Variants in SLC26A7 observed in about 807,000 individuals in gnomAD.
SLC26A7 encodes the protein anion exchange transporter.
A neutral mutation model predicts 82.5 loss-of-function variants in SLC26A7; 59 were observed. The observed-to-expected ratio is 0.72, with a 90% CI of 0.58 to 0.89. The LOEUF (loss-of-function observed/expected upper bound fraction) is 0.89. Ranked by LOEUF, SLC26A7 falls within the 40% of genes least tolerant of loss-of-function variation. The pLI is 0.00. For missense variants in SLC26A7, 820 were observed against 793.0 expected, an observed-to-expected ratio of 1.03 and a Z score of -0.41; for synonymous variants, 271 against 274.3, an observed-to-expected ratio of 0.99 and a Z score of 0.12.
At chr8:91,325,588 T>A (rs1812910555) in intron 5 of SLC26A7, among the ~76,000 whole-genome samples, 1 of 152,092 alleles carries the variant, frequency 6.6e-6, no homozygotes. Context: ...GTTGAAGGCA[T>A]AAGACTGGAG....
intron 6 of SLC26A7, 133 bp from the exon 7 acceptor site, chr8:91,338,016 AG>A (rs1428581915): frequency 6.3e-6 from 3 of 477,434 alleles, no homozygotes; most frequent in Non-Finnish European, 1.0e-5. Flanking sequence ...TATTTTTGAA[AG>A]TCTGTGCAAC....
intron 14 of SLC26A7, among the ~76,000 whole-genome samples, chr8:91,367,497 T>A (rs1007454444): frequency 1.3e-5 from 2 of 152,214 alleles, no homozygotes; most frequent in African/African-American, 4.8e-5. Flanking sequence ...TGCATCAATA[T>A]GATTTAATAT....
intron 2 of SLC26A7, among the ~76,000 whole-genome samples, chr8:91,273,828 A>G (rs780485438): frequency 2.6e-5 from 4 of 152,190 alleles, no homozygotes; most frequent in African/African-American, 7.2e-5. Context: ...TTTTGGTTAC[A>G]TTAATTATCC....
intron 5 of SLC26A7, among the ~76,000 whole-genome samples, chr8:91,326,798 C>G (rs189164963): frequency 6.6e-6 from 1 of 152,292 alleles, no homozygotes; most frequent in East Asian, 1.9e-4. Flanking sequence ...AAGGTCTCTT[C>G]TGGTCCATGC....
chr8:91,321,784 G>C (rs1431845608), intron 5 of SLC26A7, among the ~76,000 whole-genome samples: 3 of 152,032 alleles, frequency 2.0e-5, no homozygotes, highest in Non-Finnish European at 2.9e-5. Flanking sequence ...TTACATCAAT[G>C]TGTTCTTTTT....
Position 91,270,168 on chromosome 8 carries a change from C to A in SLC26A7, c.194-18968C>A, listed in dbSNP as rs368129636. Among the ~76,000 whole-genome samples the A allele has an allele frequency of 3.3e-5, 5 of 152,274 alleles. No individual in the cohort carries two copies. In the South Asian group the frequency reaches 6.2e-4, roughly 19 times the overall value. On this transcript the variant is annotated intron_variant, in intron 2 of 18. Transcript: ENST00000276609. Reference sequence around the variant, plus strand: ...TTTTCACAATCCTTGTATCTTTACACTGATTCCTGCACATTTGAGAAGATA... The same window carrying A: ...TTTTCACAATCCTTGTATCTTTACAATGATTCCTGCACATTTGAGAAGATA...
At chr8:91,264,684 T>A (rs909067699) in intron 2 of SLC26A7, among the ~76,000 whole-genome samples, 1 of 151,952 alleles carries the variant, frequency 6.6e-6, no homozygotes, top group Admixed American at 6.6e-5. Flanking sequence ...TCTTTAAGAG[T>A]GTTTACTTTC....
intron 2 of SLC26A7, among the ~76,000 whole-genome samples, chr8:91,273,324 T>G (rs1811321555): frequency 6.6e-6 from 1 of 152,282 alleles, no homozygotes; most frequent in Middle Eastern, 3.4e-3. Flanking sequence ...TATATTGTGG[T>G]CATGGTATGG....
chr8:91,362,643 A>G (rs536431383), intron 12 of SLC26A7, among the ~76,000 whole-genome samples, 184 bp downstream of exon 12: 9 of 152,204 alleles, frequency 5.9e-5, no homozygotes, highest in Admixed American at 1.3e-4. Context: ...TGCATATGAT[A>G]TTTAACAATG....
chr8:91,359,900 A>G (rs57832429), intron 11 of SLC26A7, among the ~76,000 whole-genome samples: 10 of 135,932 alleles, frequency 7.4e-5, no homozygotes, highest in African/African-American at 2.4e-4. Flanking sequence ...GTGTGTGCGC[A>G]TGTGTGTGTA....
At chr8:91,299,056 A>G (rs1428857332) in intron 4 of SLC26A7, among the ~76,000 whole-genome samples, 1 of 152,138 alleles carries the variant, frequency 6.6e-6, no homozygotes, top group Non-Finnish European at 1.5e-5. Flanking sequence ...AGTTTCTTTA[A>G]TTATGAGTGA....
intron 15 of SLC26A7, among the ~76,000 whole-genome samples, chr8:91,372,793 A>G (rs1289260744): frequency 9.9e-5 from 15 of 151,648 alleles, no homozygotes; most frequent in Non-Finnish European, 3.0e-5. Context: ...TAGGAATTGT[A>G]TTGGATCTGT....
chr8:91,299,352 G>A (rs1450385146), intron 4 of SLC26A7, among the ~76,000 whole-genome samples: 1 of 151,870 alleles, frequency 6.6e-6, no homozygotes, highest in African/African-American at 2.4e-5. Context: ...TTGAGTCATT[G>A]TTAGCTTTTT....
chr8:91,231,554 CCTTTTCTTTT>C (rs1054202742), intron 2 of SLC26A7, among the ~76,000 whole-genome samples: 2 of 151,410 alleles, frequency 1.3e-5, no homozygotes, highest in Non-Finnish European at 2.9e-5. Context: ...TCCTTTCTTT[CCTTTTCTTTT>C]CTTTTTTCTT....
upstream of SLC26A7, among the ~76,000 whole-genome samples, chr8:91,245,845 T>C (rs73697160): frequency 0.021 from 3,204 of 152,288 alleles, 99 homozygotes; most frequent in African/African-American, 0.073. Flanking sequence ...TCACACTTCA[T>C]AATTGCCGCA....
chr8:91,334,450 A>G lies in SLC26A7; in HGVS notation c.795+3A>G. The G allele has an allele frequency of 1.2e-6, 2 of 1,609,422 alleles. No homozygotes were observed. The highest frequency in any genetic ancestry group is 1.1e-5 in the South Asian group (1 of 90,432). On this transcript the variant is annotated splice_donor_region_variant and intron_variant, in intron 6 of 18. Transcript: ENST00000276609. The stretch of plus-strand genomic sequence containing the variant: ...TTCTTCCTGTAGATTTAGTTTTGGT[A>G]AGTATAAAATCAACATTTAGCTTTT...
intron 2 of SLC26A7, among the ~76,000 whole-genome samples, chr8:91,224,037 A>T (rs752433293): frequency 6.6e-6 from 1 of 151,576 alleles, no homozygotes; most frequent in Non-Finnish European, 1.5e-5. Context: ...CAGGTCCTTT[A>T]TGTTCCTCTG....
At chr8:91,272,057 T>C (rs990192142) in intron 2 of SLC26A7, among the ~76,000 whole-genome samples, 1 of 152,170 alleles carries the variant, frequency 6.6e-6, no homozygotes, top group Non-Finnish European at 1.5e-5. Flanking sequence ...CCTTTAACAC[T>C]GTTGGGTTGT....
chr8:91,348,132 C>T (rs1396337578), intron 9 of SLC26A7, among the ~76,000 whole-genome samples: 2 of 152,220 alleles, frequency 1.3e-5, no homozygotes, highest in Non-Finnish European at 2.9e-5. Context: ...ATTGTCTCCG[C>T]ATTCTAATTT....
Sources: allele counts gnomAD v4.1 joint callset (sites outside exome capture counted in the v4.1 genomes callset), GRCh38; gene constraint gnomAD v4.1.1; transcripts MANE v1.5; gene names NCBI Gene and HGNC (gene_info 2026-07-23, HGNC 2026-07-21).